SECISBP2L: variants seen among roughly 807,000 people sequenced by gnomAD.
SECISBP2L encodes the protein SECIS binding protein 2 like, also known as selenocysteine insertion sequence-binding protein 2-like.
In SECISBP2L, 43 loss-of-function variants were observed where a neutral mutation model predicts 114.7. The ratio of observed to expected loss-of-function variants is 0.38; its 90% CI spans 0.29 to 0.48. The LOEUF (loss-of-function observed/expected upper bound fraction) is 0.48, where lower values mean the gene tolerates loss of function less well. Ranked by LOEUF, SECISBP2L falls within the 20% of genes least tolerant of loss-of-function variation. The pLI, the probability that SECISBP2L is intolerant of heterozygous loss-of-function variation, is 0.98. For synonymous variants in SECISBP2L, 451 were observed against 439.7 expected (o/e 1.03, Z -0.32); for missense variants, 1,136 against 1,301.1 (o/e 0.87, Z 1.95).
chr15:48,997,288 T>C (rs529184620), intron 16 of SECISBP2L, among the ~76,000 whole-genome samples: 4 of 152,328 alleles, frequency 2.6e-5, no homozygotes, highest in South Asian at 2.1e-4. Flanking sequence ...TAGAAGAAGA[T>C]GGCAGTCTCT....
At chr15:49,022,942 G>A (rs912463585) in intron 7 of SECISBP2L, among the ~76,000 whole-genome samples, 1 of 151,584 alleles carries the variant, frequency 6.6e-6, no homozygotes. Flanking sequence ...GAATACACTA[G>A]AGGAAAAAAC....
intron 16 of SECISBP2L, among the ~76,000 whole-genome samples, chr15:48,997,300 T>C (rs1057052727): frequency 6.6e-6 from 1 of 152,208 alleles, no homozygotes; most frequent in Non-Finnish European, 1.5e-5. Context: ...GCAGTCTCTA[T>C]AGGAATTAAA....
chr15:48,997,073 C>G (rs899947918), intron 16 of SECISBP2L, among the ~76,000 whole-genome samples: 1 of 152,138 alleles, frequency 6.6e-6, no homozygotes, highest in African/African-American at 2.4e-5. Context: ...CTGAGGAAGT[C>G]ATGAAGGGAA....
chr15:49,017,480 T>C (rs976825127), intron 9 of SECISBP2L, 68 bp downstream of exon 9: 11 of 1,010,116 alleles, frequency 1.1e-5, no homozygotes, highest in East Asian at 5.0e-5. Context: ...ATCTTTAATA[T>C]TTCCCTTCAA....
intron 5 of SECISBP2L, 41 bp downstream of exon 5, chr15:49,028,412 A>T (rs769059628): frequency 4.5e-6 from 7 of 1,569,140 alleles, no homozygotes; most frequent in Non-Finnish European, 5.3e-6. Context: ...AATAATACTG[A>T]TATCAATGAC....
intron 17 of SECISBP2L, among the ~76,000 whole-genome samples, chr15:48,994,677 T>C (rs11070675): frequency 6.6e-6 from 1 of 152,130 alleles, no homozygotes; most frequent in East Asian, 1.9e-4. Flanking sequence ...ATGAAGTTTT[T>C]CCTAACTCCT....
In SECISBP2L at chr15:49,019,541, T is replaced by C; in HGVS notation, c.1047A>G (p.Arg349=). The C allele has an allele frequency of 6.8e-7, 1 of 1,481,298 alleles. No homozygotes were observed. Among genetic ancestry groups the C allele is most frequent in the Non-Finnish European group, 8.9e-7 (1 of 1,126,964 alleles). 91.8% of individuals were successfully genotyped at this position (1,481,298 alleles called of 1,614,324 possible). Residue 349 remains arginine (R), a synonymous_variant, in exon 8 of 18, where the codon AGA becomes AGG. Coordinates refer to ENST00000559471, the MANE Select transcript of SECISBP2L (RefSeq NM_001193489.2). ...CTGAGGAAGTACTGTGTCCTCGGCA[T>C]CTGAATCCAACCTAAGTAAACCCCA... The part of the protein sequence containing the change: ...EQRNNSQVGF[R]CRGHSTSSER...
intron 11 of SECISBP2L, among the ~76,000 whole-genome samples, chr15:49,015,759 C>T (rs564911379): frequency 7.2e-5 from 11 of 152,288 alleles, no homozygotes; most frequent in Non-Finnish European, 1.3e-4. Context: ...CCCTTGTATG[C>T]AACTGAGTTT....
At chr15:49,002,463 C>T (rs1313098442) in intron 14 of SECISBP2L, among the ~76,000 whole-genome samples, 3 of 152,124 alleles carry the variant, frequency 2.0e-5, no homozygotes, top group Non-Finnish European at 4.4e-5. Flanking sequence ...AACTAGATCC[C>T]ATCTGTCAAT....
At chr15:49,034,710 G>A (rs1018639132) in intron 3 of SECISBP2L, among the ~76,000 whole-genome samples, 3 of 133,926 alleles carry the variant, frequency 2.2e-5, no homozygotes, top group Admixed American at 8.3e-5. Context: ...TGTCACCTAC[G>A]CTGGAGTGTA....
intron 16 of SECISBP2L, among the ~76,000 whole-genome samples, chr15:48,998,821 G>A (rs1902147590): frequency 6.6e-6 from 1 of 152,166 alleles, no homozygotes; most frequent in African/African-American, 2.4e-5. Context: ...ACAGGCATGA[G>A]CTACCAAGAA....
At chr15:49,003,256 T>C (rs1056472534) in intron 14 of SECISBP2L, among the ~76,000 whole-genome samples, 8 of 152,016 alleles carry the variant, frequency 5.3e-5, no homozygotes, top group Non-Finnish European at 1.2e-4. Context: ...TATTGGTGTG[T>C]AGGAATGCTT....
In SECISBP2L at chr15:49,046,373, C is replaced by T. The variant is rs979851091; in HGVS notation, c.-74G>A. ...TCGGGCCGCTTTCTCCATGGCCCCC[C>T]GCTCGGGTCCAGACTGGGTTCCGGA... On this transcript the variant is annotated 5_prime_UTR_variant, in exon 1 of 18. Transcript: ENST00000559471. 15 of 1,392,184 alleles carry T rather than the reference C, an allele frequency of 1.1e-5. No homozygotes were observed. The highest frequency in any genetic ancestry group is 6.1e-5 in the African/African-American group (4 of 66,100). The allele number at this position is 1,392,184 out of a possible 1,614,324, so 86.2% of individuals were successfully genotyped here. A position where few individuals can be genotyped will look rare whatever the true frequency, so the allele number is the denominator to read the frequency against.
chr15:49,039,445 A>C (rs780792787), intron 1 of SECISBP2L, among the ~76,000 whole-genome samples: 1 of 152,150 alleles, frequency 6.6e-6, no homozygotes, highest in South Asian at 2.1e-4. Flanking sequence ...TACAGTTCAC[A>C]CATACATGCA....
chr15:49,033,323 AAAT>A (rs1408389088), intron 3 of SECISBP2L, among the ~76,000 whole-genome samples: 1 of 152,210 alleles, frequency 6.6e-6, no homozygotes, highest in Admixed American at 6.5e-5. Context: ...ACACTTTTTC[AAAT>A]AATAATTAAC....
intron 3 of SECISBP2L, 35 bp downstream of exon 3, chr15:49,035,299 T>A (rs768604261): frequency 8.2e-6 from 13 of 1,577,400 alleles, no homozygotes; most frequent in Non-Finnish European, 1.1e-5. Flanking sequence ...ATAAGTAATA[T>A]CAAATTTAAA....
chr15:49,028,899 C>T lies in SECISBP2L; in HGVS notation c.665-217G>A, dbSNP rs1443247746. ...CTTGAGGCAAGGTCTCAGTCTGTTT[C>T]GCAGGCTGGAGGGCAGTGGCGCAAT... On this transcript the variant is annotated intron_variant, in intron 4 of 17. Transcript: ENST00000559471. Among the ~76,000 whole-genome samples, 5 of 152,162 alleles carry T rather than the reference C, an allele frequency of 3.3e-5. No homozygotes were observed. The East Asian group carries it at 7.7e-4, about 23-fold the overall frequency.
intron 3 of SECISBP2L, 121 bp downstream of exon 3, chr15:49,035,213 A>G: frequency 1.2e-6 from 1 of 811,978 alleles, no homozygotes; most frequent in Non-Finnish European, 1.9e-6. Flanking sequence ...CCATTTTACA[A>G]TAGTGAACAA....
At chr15:49,015,982 C>CT (rs1223896710) in intron 11 of SECISBP2L, among the ~76,000 whole-genome samples, 2 of 152,150 alleles carry the variant, frequency 1.3e-5, no homozygotes, top group African/African-American at 4.8e-5. Context: ...TAGGATCATG[C>CT]TGGGTGTGTC....
Sources: allele counts gnomAD v4.1 joint callset (sites outside exome capture counted in the v4.1 genomes callset), GRCh38; gene constraint gnomAD v4.1.1; transcripts MANE v1.5; gene names NCBI Gene and HGNC (gene_info 2026-07-23, HGNC 2026-07-21).